PLEK2: variants seen among roughly 807,000 people sequenced by gnomAD.
The protein encoded by PLEK2 is pleckstrin-2.
Under a neutral mutation model 43.8 loss-of-function variants are expected in PLEK2, and 29 were observed. The observed-to-expected ratio is 0.66, with a 90% CI of 0.49 to 0.90. The LOEUF is 0.90. Ranked by LOEUF, PLEK2 falls within the 40% of genes least tolerant of loss-of-function variation. The pLI is 0.00. For synonymous variants in PLEK2, 162 were observed against 173.2 expected, an observed-to-expected ratio of 0.94 and a Z score of 0.51; for missense variants, 398 against 448.1, an observed-to-expected ratio of 0.89 and a Z score of 1.01.
intron 1 of PLEK2, among the ~76,000 whole-genome samples, chr14:67,398,219 GTTTTT>G (rs11366762): frequency 6.6e-6 from 1 of 151,634 alleles, no homozygotes; most frequent in South Asian, 2.1e-4. Context: ...TTATTTTCTA[GTTTTT>G]TTTGTTTTTG....
At chr14:67,410,294 G>A (rs971624569) in intron 1 of PLEK2, among the ~76,000 whole-genome samples, 1 of 152,064 alleles carries the variant, frequency 6.6e-6, no homozygotes, top group Non-Finnish European at 1.5e-5. Flanking sequence ...CTATCAGAAG[G>A]ATCTGTCTCC....
chr14:67,391,485 A>T (rs2139843618), intron 6 of PLEK2, among the ~76,000 whole-genome samples: 1 of 152,082 alleles, frequency 6.6e-6, no homozygotes, highest in South Asian at 2.1e-4. Context: ...TGGTGTAGAC[A>T]GGCAGCAGTG....
chr14:67,409,771 C>G lies in PLEK2; in HGVS notation c.42+2247G>C, dbSNP rs1256140075. Among the ~76,000 whole-genome samples, 4 of 152,314 alleles carry G rather than the reference C, an allele frequency of 2.6e-5. No homozygotes were observed. The South Asian group carries it at 6.2e-4, about 24-fold the overall frequency. The stretch of plus-strand genomic sequence containing the variant: ...TCCGGCTTCCAACGCAGGCCCTGCC[C>G]CACCTCTGAGCTCTTAACTCTCCTA... On this transcript the variant is annotated intron_variant, in intron 1 of 8. Coordinates refer to ENST00000216446, the MANE Select transcript of PLEK2 (RefSeq NM_016445.3).
intron 3 of PLEK2, among the ~76,000 whole-genome samples, chr14:67,395,030 T>C (rs944034399): frequency 2.6e-5 from 4 of 152,030 alleles, no homozygotes; most frequent in African/African-American, 9.7e-5. Context: ...AATAAATCCC[T>C]CCTTATGAGT....
At position 67,412,110 on chromosome 14, in the gene PLEK2, G is replaced by A. The variant is rs1257917644; in HGVS notation, c.-51C>T. 1.5e-5 allele frequency: 22 copies of A among 1,452,336 alleles called. No homozygotes were observed. In the Admixed American group the frequency reaches 5.6e-4, roughly 37 times the overall value. The allele number at this position is 1,452,336 out of a possible 1,614,324, so 90.0% of individuals were successfully genotyped here. On this transcript the variant is annotated 5_prime_UTR_variant, in exon 1 of 9. Coordinates refer to ENST00000216446, the MANE Select transcript of PLEK2 (RefSeq NM_016445.3). ...CCCAGGTGCGCCTTCCCCGCGCCTCGCGCTCCTCGGCACCCGCGCAGCCCG... is the reference window on the plus strand; with the variant it reads ...CCCAGGTGCGCCTTCCCCGCGCCTCACGCTCCTCGGCACCCGCGCAGCCCG...
chr14:67,405,224 C>CAAAAAAAAAAAAA (rs770594121), intron 1 of PLEK2, among the ~76,000 whole-genome samples: 2 of 40,482 alleles, frequency 4.9e-5, no homozygotes, highest in Non-Finnish European at 1.1e-4. Context: ...GAGTCCATCT[C>CAAAAAAAAAAAAA]AAAAAAAAAA....
Position 67,412,039 on chromosome 14 carries a change from C to T in PLEK2, c.21G>A (p.Lys7=), listed in dbSNP as rs1806212597. The part of the protein sequence containing the change: MEDGVL[K]EGFLVKRGHI... ...TCACCCTCTTGACCAGGAAGCCCTC[C>T]TTGAGCACGCCGTCCTCCATGTCGC... Residue 7 remains lysine, a synonymous_variant, in exon 1 of 9, where the codon AAG becomes AAA. Transcript: ENST00000216446. The T allele has an allele frequency of 1.3e-6, 2 of 1,557,630 alleles. No homozygotes were observed. The highest frequency in any genetic ancestry group is 1.7e-4 in the Middle Eastern group (1 of 5,982).
rs760313074 is a variant in PLEK2, at chr14:67,406,491, G to A, written c.42+5527C>T. 3.3e-5 allele frequency among the ~76,000 whole-genome samples: 5 copies of A among 152,068 alleles called. 1 individual carries two copies. The highest frequency in any genetic ancestry group is 1.9e-4 in the East Asian group (1 of 5,162). ...CCCTGCCACTTTGGGGAGACTCCCC[G>A]TGGTTCTATATGGCTTGGGCTCCAT... On this transcript the variant is annotated intron_variant, in intron 1 of 8. Coordinates refer to ENST00000216446, the MANE Select transcript of PLEK2 (RefSeq NM_016445.3).
chr14:67,407,278 C>T (rs1416015805), intron 1 of PLEK2, among the ~76,000 whole-genome samples: 1 of 151,904 alleles, frequency 6.6e-6, no homozygotes, highest in Admixed American at 6.6e-5. Context: ...CCCATCACCA[C>T]ACCTGGCTAA....
chr14:67,401,892 G>A lies in PLEK2; in HGVS notation c.43-4066C>T, dbSNP rs74438746. Among the ~76,000 whole-genome samples the A allele has an allele frequency of 3.5e-3, 537 of 152,296 alleles. 18 individuals are homozygous for A. The East Asian group carries it at 0.088, about 25-fold the overall frequency. On this transcript the variant is annotated intron_variant, in intron 1 of 8. Transcript: ENST00000216446. ...TAATTCCAACATTTTGGGAGGCCGA[G>A]GTGGGCGGATCACCCAACTCCTGAG...
chr14:67,400,639 A>G (rs1381262657), intron 1 of PLEK2, among the ~76,000 whole-genome samples: 1 of 152,032 alleles, frequency 6.6e-6, no homozygotes, highest in African/African-American at 2.4e-5. Context: ...GGAGTGGAGA[A>G]GGCAATTAAG....
chr14:67,390,561 A>C (rs1017193171), intron 7 of PLEK2, 102 bp downstream of exon 7: 20 of 806,202 alleles, frequency 2.5e-5, no homozygotes, highest in African/African-American at 1.7e-4. Flanking sequence ...GGCGGGTGCC[A>C]GGGGAAGGCA....
At position 67,393,815 on chromosome 14, in the gene PLEK2, A is replaced by T. The variant is rs140273211; in HGVS notation, c.390-574T>A. The stretch of plus-strand genomic sequence containing the variant: ...TCCCATAGCACGGCTCACCCCTCAT[A>T]AAGATGTTTATCTAACCTCCCCAGT... On this transcript the variant is annotated intron_variant, in intron 3 of 8. Transcript: ENST00000216446. 7.1e-3 allele frequency among the ~76,000 whole-genome samples: 1,075 copies of T among 152,220 alleles called. 12 individuals carry two copies. Among genetic ancestry groups the T allele is most frequent in the African/African-American group, 0.024 (976 of 41,526 alleles).
At position 67,412,094 on chromosome 14, in the gene PLEK2, G is replaced by A. The variant is rs762681964; in HGVS notation, c.-35C>T. ...CGCACGCCAGGGCCACCCCAGGTGC[G>A]CCTTCCCCGCGCCTCGCGCTCCTCG... On this transcript the variant is annotated 5_prime_UTR_variant, in exon 1 of 9. Coordinates refer to ENST00000216446, the MANE Select transcript of PLEK2 (RefSeq NM_016445.3). 21 of 1,488,808 alleles carry A rather than the reference G, an allele frequency of 1.4e-5. No homozygotes were observed. The highest frequency in any genetic ancestry group is 1.8e-5 in the Non-Finnish European group (20 of 1,121,144). 92.2% of individuals were successfully genotyped at this position (1,488,808 alleles called of 1,614,324 possible).
In PLEK2 at chr14:67,388,303, C is replaced by T. The variant is rs1174097434; in HGVS notation, c.856-1G>A. On this transcript the variant is annotated splice_acceptor_variant, in intron 7 of 8. Transcript: ENST00000216446. LOFTEE classifies it high-confidence loss of function. Reference sequence around the variant, plus strand: ...ACCCACCCACTGGCCTGTTCTCTTCCTGTAGAGGAAAGGAGACCCAATTAG... The same window carrying T: ...ACCCACCCACTGGCCTGTTCTCTTCTTGTAGAGGAAAGGAGACCCAATTAG... The T allele has an allele frequency of 3.1e-6, 5 of 1,604,968 alleles. No individual in the cohort carries two copies. The African/African-American group carries it at 6.7e-5, about 21-fold the overall frequency.
In PLEK2 at chr14:67,392,747, G is replaced by A; in HGVS notation, c.584C>T (p.Pro195Leu). Residue 195 changes from proline (P) to leucine (L), a missense_variant, in exon 5 of 9, where the codon CCT becomes CTT. Coordinates refer to ENST00000216446, the MANE Select transcript of PLEK2 (RefSeq NM_016445.3). ...SMLMEENFLRPVGVRSMGAIR... is the reference protein window; with the variant it reads ...SMLMEENFLRLVGVRSMGAIR... The stretch of plus-strand genomic sequence containing the variant: ...GGCTCCCATGCTTCGGACACCCACA[G>A]GCCTGAGGAAGTTCTCCTCCATGAG... The A allele has an allele frequency of 1.2e-6, 2 of 1,614,132 alleles. No individual in the cohort carries two copies. Among genetic ancestry groups the A allele is most frequent in the South Asian group, 1.1e-5 (1 of 91,078 alleles).
chr14:67,397,975 C>T, intron 1 of PLEK2, 149 bp from the exon 2 acceptor site: 1 of 576,306 alleles, frequency 1.7e-6, no homozygotes, highest in Non-Finnish European at 3.0e-6. Context: ...TGGATCTCTT[C>T]TGAGTACGTA....
At chr14:67,390,333 TAGG>T (rs1173616033) in intron 7 of PLEK2, among the ~76,000 whole-genome samples, 4 of 152,172 alleles carry the variant, frequency 2.6e-5, no homozygotes, top group Non-Finnish European at 4.4e-5. Flanking sequence ...GAAGTGCCAG[TAGG>T]AGTCTCTGTC....
At chr14:67,393,746 G>A (rs999250278) in intron 3 of PLEK2, among the ~76,000 whole-genome samples, 2 of 152,120 alleles carry the variant, frequency 1.3e-5, no homozygotes, top group African/African-American at 4.8e-5. Flanking sequence ...GAGCCACCGT[G>A]CCTGGCCTGA....
Sources: allele counts gnomAD v4.1 joint callset (sites outside exome capture counted in the v4.1 genomes callset), GRCh38; gene constraint gnomAD v4.1.1; transcripts MANE v1.5; gene names NCBI Gene and HGNC (gene_info 2026-07-23, HGNC 2026-07-21).